Variants in TRIML1 observed in about 807,000 individuals in gnomAD.
The protein encoded by TRIML1 is tripartite motif family like 1.
TRIML1 carries 34 observed loss-of-function variants against 32.3 expected under a neutral mutation model. The observed-to-expected ratio is 1.05, with a 90% CI of 0.80 to 1.40. TRIML1 has a LOEUF of 1.40. TRIML1 is among the 40% of genes most tolerant of loss of function. The pLI is 0.00. For synonymous variants in TRIML1, 244 were observed against 226.6 expected, an observed-to-expected ratio of 1.08 and a Z score of -0.69; for missense variants, 595 against 574.9, an observed-to-expected ratio of 1.03 and a Z score of -0.36.
intron 3 of TRIML1, chr4:188,143,450 C>T (rs1734939824): frequency 3.8e-6 from 1 of 265,428 alleles, no homozygotes; most frequent in Non-Finnish European, 7.4e-6. Context: ...AATTTAGTGC[C>T]TTCCAAACAC....
At position 188,147,318 on chromosome 4, in the gene TRIML1, T is replaced by G. The variant is rs765219761; in HGVS notation, c.1353T>G (p.Asn451Lys). 6.5e-7 allele frequency: 1 copy of G among 1,534,582 alleles called. No homozygotes were observed. The highest frequency in any genetic ancestry group is 2.1e-5 in the Admixed American group (1 of 48,106). ...CTATCTTTTCCCCCTGCCTCCCAAA[T>G]GAGGGGACAAACACAGACCCTCTCA... is the stretch of plus-strand genomic sequence containing the variant. ...LRPIFSPCLPNEGTNTDPLTI... is the reference protein window; with the variant it reads ...LRPIFSPCLPKEGTNTDPLTI... The change falls in exon 6 of 6, where the codon AAT becomes AAG. Residue 451 changes from asparagine (N) to lysine (K), a missense_variant. Coordinates refer to ENST00000332517, the MANE Select transcript of TRIML1 (RefSeq NM_178556.5).
At position 188,142,235 on chromosome 4, in the gene TRIML1, TGTGTG is replaced by T; in HGVS notation, c.505-16_505-12del. The T allele has an allele frequency of 6.8e-7, 1 of 1,465,278 alleles. No homozygotes were observed. Among genetic ancestry groups the T allele is most frequent in the Non-Finnish European group, 9.5e-7 (1 of 1,051,278 alleles). The allele number at this position is 1,465,278 out of a possible 1,614,324, so 90.8% of individuals were successfully genotyped here. On this transcript the variant is annotated splice_polypyrimidine_tract_variant and intron_variant, in intron 2 of 5. Coordinates refer to ENST00000332517, the MANE Select transcript of TRIML1 (RefSeq NM_178556.5). ...GTGTGTGTGTGTGTGTGTGTGTGTG[TGTGTG>T]TGTTTTGGCAGGAAGAAACAAAGAC... is the stretch of plus-strand genomic sequence containing the variant.
Position 188,144,023 on chromosome 4 carries a change from T to C in TRIML1, c.759-13T>C. On this transcript the variant is annotated splice_polypyrimidine_tract_variant and intron_variant, in intron 4 of 5. Coordinates refer to ENST00000332517, the MANE Select transcript of TRIML1 (RefSeq NM_178556.5). The stretch of plus-strand genomic sequence containing the variant: ...GTCTGTGCCGAGGAGTGAACCTCTC[T>C]GCTCTCTTGCAGGAGCGAGCCACTC... 6.2e-7 allele frequency: 1 copy of C among 1,613,278 alleles called. No homozygotes were observed. The highest frequency in any genetic ancestry group is 8.5e-7 in the Non-Finnish European group (1 of 1,179,492).
At position 188,144,140 on chromosome 4, in the gene TRIML1, C is replaced by T. The variant is rs372714889; in HGVS notation, c.856+7C>T. 67 of 1,612,678 alleles carry T rather than the reference C, an allele frequency of 4.2e-5. 1 individual carries two copies. The African/African-American group carries it at 7.3e-4, about 18-fold the overall frequency. ...ATGCTAAGAAAATTCAGCAGTAAGT[C>T]AGCCTGATTTGTTACCCCTCCGGGG... On this transcript the variant is annotated splice_region_variant and intron_variant, in intron 5 of 5. Coordinates refer to ENST00000332517, the MANE Select transcript of TRIML1 (RefSeq NM_178556.5).
chr4:188,148,629 A>G (rs1315430793), downstream of TRIML1, among the ~76,000 whole-genome samples: 3 of 151,358 alleles, frequency 2.0e-5, no homozygotes, highest in African/African-American at 7.3e-5. Context: ...TTAAGATGCA[A>G]TCTCGCTCTG....
At chr4:188,140,411 C>T (rs1734809005) in intron 1 of TRIML1, 117 bp from the exon 2 acceptor site, 1 of 780,544 alleles carries the variant, frequency 1.3e-6, no homozygotes, top group Non-Finnish European at 2.1e-6. Context: ...CGTGAGGCGC[C>T]GCACCCAGCC....
chr4:188,142,095 G>A (rs116379756), intron 2 of TRIML1, among the ~76,000 whole-genome samples, 157 bp from the exon 3 acceptor site: 4,055 of 137,146 alleles, frequency 0.03, 105 homozygotes, highest in African/African-American at 0.071. Context: ...TCAGACTGGC[G>A]ACAGAGTGAG....
rs777627581 is a variant in TRIML1, at chr4:188,146,920, G to A, written c.955G>A (p.Asp319Asn). The A allele has an allele frequency of 8.0e-6, 12 of 1,492,992 alleles. No homozygotes were observed. The highest frequency in any genetic ancestry group is 4.7e-5 in the Admixed American group (2 of 42,334). 92.5% of individuals were successfully genotyped at this position (1,492,992 alleles called of 1,614,324 possible). ...KYGGSRQQLP[D>N]NPERFDQSAT... ...TGGGGGAAGCAGACAGCAGCTACCC[G>A]ACAACCCGGAAAGATTTGACCAGTC... Residue 319 changes from aspartate to asparagine, a missense_variant, in exon 6 of 6, where the codon GAC becomes AAC. By Grantham distance (23) the Asp-to-Asn change is conservative. Transcript: ENST00000332517.
downstream of TRIML1, among the ~76,000 whole-genome samples, chr4:188,148,440 G>A (rs1287348810): frequency 6.6e-6 from 1 of 151,942 alleles, no homozygotes; most frequent in African/African-American, 2.4e-5. Context: ...GTTGCAGTGA[G>A]CGGAGATCAT....
At chr4:188,150,691 T>G (rs1005872115), downstream of TRIML1, among the ~76,000 whole-genome samples, 2 of 151,870 alleles carry the variant, frequency 1.3e-5, no homozygotes, top group Non-Finnish European at 2.9e-5. Flanking sequence ...GAGTCTAGCC[T>G]AATTTTTCCT....
Position 188,139,494 on chromosome 4 carries a change from G to T in TRIML1, c.-65G>T, listed in dbSNP as rs954120568. The T allele has an allele frequency of 1.7e-5, 25 of 1,484,506 alleles. No homozygotes were observed. The highest frequency in any genetic ancestry group is 2.2e-5 in the Non-Finnish European group (24 of 1,104,664). 92.0% of individuals were successfully genotyped at this position (1,484,506 alleles called of 1,614,324 possible). ...GCGTGTTACTCAAAACTGTAGGACG[G>T]CAGTGAGGGCTTTGCTAATCCCAGA... On this transcript the variant is annotated 5_prime_UTR_variant, in exon 1 of 6. Transcript: ENST00000332517.
At chr4:188,140,244 C>T (rs747982434) in intron 1 of TRIML1, among the ~76,000 whole-genome samples, 2 of 152,062 alleles carry the variant, frequency 1.3e-5, no homozygotes, top group Non-Finnish European at 2.9e-5. Flanking sequence ...CCTCAGCCTC[C>T]CCAGTAGCTG....
intron 1 of TRIML1, 41 bp from the exon 2 acceptor site, chr4:188,140,487 G>GT (rs1734812366): frequency 6.5e-7 from 1 of 1,530,102 alleles, no homozygotes. Context: ...CATGACCTGG[G>GT]ACTCTGCTCA....
At chr4:188,150,725 T>A (rs537526988), downstream of TRIML1, among the ~76,000 whole-genome samples, 2 of 151,690 alleles carry the variant, frequency 1.3e-5, no homozygotes, top group African/African-American at 4.8e-5. Flanking sequence ...CCCCAGTGGC[T>A]CTTTGCTGCA....
intron 3 of TRIML1, 168 bp from the exon 4 acceptor site, chr4:188,143,670 T>A: frequency 1.3e-6 from 1 of 763,874 alleles, no homozygotes; most frequent in Non-Finnish European, 2.3e-6. Flanking sequence ...CCACAGCACA[T>A]CCCTGGAAGA....
downstream of TRIML1, among the ~76,000 whole-genome samples, chr4:188,150,085 T>A (rs143561579): frequency 1.3e-5 from 2 of 152,106 alleles, no homozygotes; most frequent in African/African-American, 4.8e-5. Context: ...ATTAGAGACG[T>A]GAGCCACCGC....
downstream of TRIML1, among the ~76,000 whole-genome samples, chr4:188,150,240 C>A (rs1000013092): frequency 1.1e-4 from 17 of 152,120 alleles, no homozygotes; most frequent in African/African-American, 3.9e-4. Flanking sequence ...AATTCTCCTG[C>A]CTCAGCCTCC....
chr4:188,143,366 T>C (rs1175852242), intron 3 of TRIML1: 1 of 165,206 alleles, frequency 6.1e-6, no homozygotes, highest in Non-Finnish European at 1.3e-5. Flanking sequence ...TGGACTTTCT[T>C]AAACATAAGC....
rs149811543 is a variant in TRIML1 at position 188,146,984 on chromosome 4, G to A, written c.1019G>A (p.Arg340Lys). 25 of 1,571,502 alleles carry A rather than the reference G, an allele frequency of 1.6e-5. No homozygotes were observed. In the African/African-American group the frequency reaches 3.4e-4, roughly 21 times the overall value. ...VLGTQIFTSG[R>K]HYWEVEVGNK... ...GGTACTCAGATCTTCACCAGTGGGAGACACTACTGGGAGGTGGAGGTGGGA... is the reference window on the plus strand; with the variant it reads ...GGTACTCAGATCTTCACCAGTGGGAAACACTACTGGGAGGTGGAGGTGGGA... Residue 340 changes from arginine to lysine, a missense_variant, in exon 6 of 6, where the codon AGA becomes AAA. Coordinates refer to ENST00000332517, the MANE Select transcript of TRIML1 (RefSeq NM_178556.5).
Sources: allele counts gnomAD v4.1 joint callset (sites outside exome capture counted in the v4.1 genomes callset), GRCh38; gene constraint gnomAD v4.1.1; transcripts MANE v1.5; gene names NCBI Gene and HGNC (gene_info 2026-07-23, HGNC 2026-07-21).